Variants in ATP8B3 observed in about 807,000 individuals in gnomAD.
ATP8B3 encodes the protein ATPase phospholipid transporting 8B3.
In ATP8B3, 141 loss-of-function variants were observed where a neutral mutation model predicts 140.9. The ratio of observed to expected loss-of-function variants is 1.00; its 90% CI spans 0.87 to 1.15. The LOEUF is 1.15. Ranked by LOEUF, ATP8B3 falls within the 50% of genes most tolerant of loss-of-function variation. The probability of loss-of-function intolerance (pLI) is 0.00; values close to 1 mark genes in which losing one functional copy is unlikely to be tolerated. For synonymous variants in ATP8B3, 765 were observed against 714.6 expected (o/e 1.07, Z -1.13); for missense variants, 1,874 against 1,740.6 (o/e 1.08, Z -1.36).
At chr19:1,811,947 C>G (rs2069200681) in intron 1 of ATP8B3, 63 bp from the exon 2 acceptor site, 1 of 596,184 alleles carries the variant, frequency 1.7e-6, no homozygotes, top group East Asian at 3.0e-5. Flanking sequence ...ACTGGGATGC[C>G]CCATTACTCG....
rs773759493 is a variant in ATP8B3, at chr19:1,795,989, T to C, written c.1943-2A>G. ...AGATGGCGCCCTCTGGCTTTCGAAC[T>C]GTGGGGGAACAGGCCCTGCTGCCCA... On this transcript the variant is annotated splice_acceptor_variant, in intron 17 of 28. Transcript: ENST00000310127. LOFTEE classifies it high-confidence loss of function. The C allele has an allele frequency of 6.2e-7, 1 of 1,613,154 alleles. No homozygotes were observed. The highest frequency in any genetic ancestry group is 1.3e-5 in the African/African-American group (1 of 75,066).
rs201676321 is a variant in ATP8B3 at position 1,795,848 on chromosome 19, T to C, written c.2055+27A>G. ...ACACACACACACACACACACACACATAAGCCAGCCTTCCTGAAGGGACTCA... is the reference window on the plus strand; with the variant it reads ...ACACACACACACACACACACACACACAAGCCAGCCTTCCTGAAGGGACTCA... On this transcript the variant is annotated intron_variant, in intron 18 of 28. Transcript: ENST00000310127. 6.1e-3 allele frequency: 4,771 copies of C among 782,090 alleles called. 162 individuals are homozygous for C. Among genetic ancestry groups the C allele is most frequent in the African/African-American group, 0.058 (2,025 of 34,774 alleles). The allele number at this position is 782,090 out of a possible 1,614,324, so 48.4% of individuals were successfully genotyped here.
At position 1,806,561 on chromosome 19, in the gene ATP8B3, G is replaced by GCCGATGA; in HGVS notation, c.677+60_677+66dup. 3 of 1,545,606 alleles carry GCCGATGA rather than the reference G, an allele frequency of 1.9e-6. No homozygotes were observed. The highest frequency in any genetic ancestry group is 2.6e-6 in the Non-Finnish European group (3 of 1,145,564). ...CGGAAGGTGATGGACACTTGCCGAG[G>GCCGATGA]CCGATGACCCTGCTGGGCTGGAGCC... On this transcript the variant is annotated intron_variant, in intron 7 of 28. Transcript: ENST00000310127. This position sits in a 1 kb window ranked among gnomAD's most constrained non-coding sequence, Gnocchi z 5.6.
Position 1,788,949 on chromosome 19 carries a change from G to GC in ATP8B3, c.3016dup (p.Ala1006GlyfsTer22). The GC allele has an allele frequency of 6.2e-7, 1 of 1,608,192 alleles. No homozygotes were observed. The highest frequency in any genetic ancestry group is 8.5e-7 in the Non-Finnish European group (1 of 1,177,652). Reference sequence around the variant, plus strand: ...AAACCAGACCTGCACCATCATGCTGGCCATGCTCTTGTAGAAGAAGTAGCG... The same window carrying GC: ...AAACCAGACCTGCACCATCATGCTGGCCCATGCTCTTGTAGAAGAAGTAGCG... On this transcript the variant is annotated frameshift_variant, in exon 24 of 29. Coordinates refer to ENST00000310127, the MANE Select transcript of ATP8B3 (RefSeq NM_138813.4). LOFTEE classifies it high-confidence loss of function.
rs1287714753 is a variant in ATP8B3 at position 1,784,832 on chromosome 19, T to C, written c.3647A>G (p.Glu1216Gly). The change falls in exon 28 of 29, where the codon GAG (glutamate) becomes GGG (glycine). Residue 1216 changes from glutamate (E) to glycine (G), a missense_variant. Physicochemically the swap from Glu to Gly is moderately conservative, Grantham distance 98 (BLOSUM62 -2). Around this residue, in one of 3 missense-constraint regions of ATP8B3, gnomAD observed 840 missense variants for 760.9 expected, o/e 1.10. Transcript: ENST00000310127. ...ALRVIFPALKELRAKEEKVEE... is the reference protein window; with the variant it reads ...ALRVIFPALKGLRAKEEKVEE... ...GGCCCACCTCACCTTGGCACGTAGC[T>C]CCTTGAGGGCTGGGAAGATGACTCG... The C allele has an allele frequency of 1.2e-6, 2 of 1,606,078 alleles. No individual in the cohort carries two copies. The highest frequency in any genetic ancestry group is 2.7e-5 in the African/African-American group (2 of 74,758).
rs533220772 is a variant in ATP8B3, at chr19:1,791,983, C to T, written c.2190+18G>A. 6.2e-5 allele frequency: 94 copies of T among 1,504,724 alleles called. No homozygotes were observed. The highest frequency in any genetic ancestry group is 1.7e-4 in the Middle Eastern group (1 of 5,816). The allele number at this position is 1,504,724 out of a possible 1,614,324, so 93.2% of individuals were successfully genotyped here. A position where few individuals can be genotyped will look rare whatever the true frequency, so the allele number is the denominator to read the frequency against. On this transcript the variant is annotated intron_variant, in intron 19 of 28. Transcript: ENST00000310127. ...GCTGCCCACCCACCCTGAGGTCCTG[C>T]TCCATCTCGTTGTACACCTGTTGCA...
chr19:1,783,538 A>T lies in ATP8B3; in HGVS notation c.3661-268T>A, dbSNP rs180678715. 1.1e-3 allele frequency among the ~76,000 whole-genome samples: 164 copies of T among 152,234 alleles called. 2 individuals carry two copies. Among genetic ancestry groups the T allele is most frequent in the Non-Finnish European group, 1.4e-3 (97 of 68,020 alleles). On this transcript the variant is annotated intron_variant, in intron 28 of 28. Coordinates refer to ENST00000310127, the MANE Select transcript of ATP8B3 (RefSeq NM_138813.4). ...CAGCCAATCAGAGTTATTCCCTGGG[A>T]CTTAACTCGGGACCACCCAATCAGA... is the stretch of plus-strand genomic sequence containing the variant.
intron 3 of ATP8B3, among the ~76,000 whole-genome samples, chr19:1,810,363 T>C (rs1453578721): frequency 2.0e-5 from 3 of 152,078 alleles, no homozygotes; most frequent in African/African-American, 7.2e-5. Context: ...GTCTCCTGGG[T>C]TCAAGTGATT....
intron 10 of ATP8B3, among the ~76,000 whole-genome samples, chr19:1,804,239 AC>A (rs2068941268): frequency 6.6e-6 from 1 of 152,152 alleles, no homozygotes; most frequent in Admixed American, 6.6e-5. Context: ...CACACCTGTC[AC>A]CCCAGAACTT....
chr19:1,783,396 T>A, intron 28 of ATP8B3, 126 bp from the exon 29 acceptor site: 1 of 1,273,238 alleles, frequency 7.9e-7, no homozygotes, highest in East Asian at 2.5e-5. Context: ...CGTTCTTCCC[T>A]ACCCAAGTTG....
rs1600386240 is a variant in ATP8B3 at position 1,785,249 on chromosome 19, G to C, written c.3442C>G (p.Leu1148Val). The change falls in exon 27 of 29, where the codon CTC (leucine) becomes GTC (valine). Residue 1148 changes from leucine (L) to valine (V), a missense_variant. Physicochemically the swap from Leu to Val is conservative, Grantham distance 32. Coordinates refer to ENST00000310127, the MANE Select transcript of ATP8B3 (RefSeq NM_138813.4). ...YWTALCVATILLSLGFYAIMT... is the reference protein window; with the variant it reads ...YWTALCVATIVLSLGFYAIMT... ...ATGGCGTAGAAACCAAGGCTGAGGA[G>C]GATGGTCGCCACGCACAGGGCGGTC... is the stretch of plus-strand genomic sequence containing the variant. The C allele has an allele frequency of 6.2e-7, 1 of 1,609,952 alleles. No individual in the cohort carries two copies. Among genetic ancestry groups the C allele is most frequent in the Non-Finnish European group, 8.5e-7 (1 of 1,178,180 alleles).
chr19:1,806,540 A>T lies in ATP8B3; in HGVS notation c.677+88T>A. 2 of 1,534,294 alleles carry T rather than the reference A, an allele frequency of 1.3e-6. No individual in the cohort carries two copies. The highest frequency in any genetic ancestry group is 1.8e-6 in the Non-Finnish European group (2 of 1,141,136). On this transcript the variant is annotated intron_variant, in intron 7 of 28. Coordinates refer to ENST00000310127, the MANE Select transcript of ATP8B3 (RefSeq NM_138813.4). The surrounding 1 kb of genome is among the most constrained non-coding windows in gnomAD (Gnocchi z 5.6). ...CAGCCGGGAGATCAGGGAGCACGGA[A>T]GGTGATGGACACTTGCCGAGGCCGA...
Position 1,795,909 on chromosome 19 carries a change from C to A in ATP8B3, c.2021G>T (p.Gly674Val). 6.2e-7 allele frequency: 1 copy of A among 1,613,098 alleles called. No individual in the cohort carries two copies. The highest frequency in any genetic ancestry group is 2.2e-5 in the East Asian group (1 of 44,866). ...TVIFERLHRRGAMEFATEEAL... is the reference protein window; with the variant it reads ...TVIFERLHRRVAMEFATEEAL... ...CTCCTCTGTGGCAAATTCCATTGCC[C>A]CCCTCCTGTGCAAGCGTTCGAAGAT... Residue 674 changes from glycine to valine, a missense_variant, in exon 18 of 29, where the codon GGG (glycine) becomes GTG (valine). Transcript: ENST00000310127.
rs781634122 is a variant in ATP8B3, at chr19:1,796,991, C to A, written c.1567G>T (p.Ala523Ser). ...AGGCTCACCTTAGGTCGGGTCGTGG[C>A]CTCTGAATCCGGCCCTGGGGAAAGA... is the stretch of plus-strand genomic sequence containing the variant. ...SGRVYGPDSEATTRPKENPYL... is the reference protein window; with the variant it reads ...SGRVYGPDSESTTRPKENPYL... Residue 523 changes from alanine (A) to serine (S), a missense_variant, in exon 15 of 29, where the codon GCC (alanine) becomes TCC (serine). Ala to Ser is a moderately conservative substitution (Grantham distance 99, BLOSUM62 1). This residue lies in a region of ATP8B3 where 1,032 missense variants were observed against 963.6 expected (regional missense o/e 1.07). Coordinates refer to ENST00000310127, the MANE Select transcript of ATP8B3 (RefSeq NM_138813.4). The A allele has an allele frequency of 3.7e-6, 6 of 1,613,082 alleles. No individual in the cohort carries two copies. Among genetic ancestry groups the A allele is most frequent in the Non-Finnish European group, 5.1e-6 (6 of 1,179,810 alleles).
intron 26 of ATP8B3, 53 bp downstream of exon 26, chr19:1,785,416 G>C: frequency 6.3e-7 from 1 of 1,588,234 alleles, no homozygotes; most frequent in Non-Finnish European, 8.6e-7. Flanking sequence ...CCCAGGGGAG[G>C]AGGCCTCCAT....
Position 1,806,699 on chromosome 19 carries a change from G to T in ATP8B3, c.616-10C>A. 6.4e-7 allele frequency: 1 copy of T among 1,558,738 alleles called. No individual in the cohort carries two copies. The highest frequency in any genetic ancestry group is 1.2e-5 in the South Asian group (1 of 84,534). On this transcript the variant is annotated splice_polypyrimidine_tract_variant and intron_variant, in intron 6 of 28. Transcript: ENST00000310127. This position sits in a 1 kb window ranked among gnomAD's most constrained non-coding sequence, Gnocchi z 5.6. ...CACTCTTGTGTCTCCCCTGGGCCAGGAGGGAAAGGATCAGAGAGACCGTCC... is the reference window on the plus strand; with the variant it reads ...CACTCTTGTGTCTCCCCTGGGCCAGTAGGGAAAGGATCAGAGAGACCGTCC...
chr19:1,782,952 G>A lies in ATP8B3; in HGVS notation c.*76C>T. ...AATGATGAGCTAGGTGTAGGGGGGAGCTGTACTTCCTGGGAGGACACCTGC... is the reference window on the plus strand; with the variant it reads ...AATGATGAGCTAGGTGTAGGGGGGAACTGTACTTCCTGGGAGGACACCTGC... On this transcript the variant is annotated 3_prime_UTR_variant, in exon 29 of 29. Coordinates refer to ENST00000310127, the MANE Select transcript of ATP8B3 (RefSeq NM_138813.4). 6.6e-7 allele frequency: 1 copy of A among 1,517,740 alleles called. No homozygotes were observed. Among genetic ancestry groups the A allele is most frequent in the Non-Finnish European group, 8.9e-7 (1 of 1,123,126 alleles). 94.0% of individuals were successfully genotyped at this position (1,517,740 alleles called of 1,614,324 possible).
rs1228765549 is a variant in ATP8B3 at position 1,805,470 on chromosome 19, G to A, written c.822-14C>T. The A allele has an allele frequency of 6.5e-7, 1 of 1,550,212 alleles. No homozygotes were observed. The highest frequency in any genetic ancestry group is 8.7e-7 in the Non-Finnish European group (1 of 1,143,486). Reference sequence around the variant, plus strand: ...AAGTTGGTCTCCCTGGTGACGAGGAGAGGAGGGAGGTGAAAGTGGAGTTGA... The same window carrying A: ...AAGTTGGTCTCCCTGGTGACGAGGAAAGGAGGGAGGTGAAAGTGGAGTTGA... On this transcript the variant is annotated splice_polypyrimidine_tract_variant and intron_variant, in intron 9 of 28. Transcript: ENST00000310127. The surrounding 1 kb of genome is among the most constrained non-coding windows in gnomAD (Gnocchi z 5.2).
intron 20 of ATP8B3, 56 bp from the exon 21 acceptor site, chr19:1,790,888 G>T (rs1385457236): frequency 1.1e-5 from 16 of 1,486,176 alleles, no homozygotes; most frequent in African/African-American, 1.4e-5. Context: ...GGCTGCCTGG[G>T]GGCCACGCCC....
Sources: allele counts gnomAD v4.1 joint callset (sites outside exome capture counted in the v4.1 genomes callset), GRCh38; gene constraint gnomAD v4.1.1; regional missense constraint gnomAD v4.1.1; non-coding constraint Gnocchi (gnomAD v3.1); transcripts MANE v1.5; gene names NCBI Gene and HGNC (gene_info 2026-07-23, HGNC 2026-07-21).